MYH2: variants seen among roughly 807,000 people sequenced by gnomAD.
MYH2 encodes the protein myosin heavy chain 2.
MYH2 carries 139 observed loss-of-function variants against 228.1 expected under a neutral mutation model. The ratio of observed to expected loss-of-function variants is 0.61; its 90% CI spans 0.53 to 0.70. MYH2 has a LOEUF of 0.70. MYH2 is among the 30% of genes least tolerant of loss of function. MYH2 has a pLI of 0.00. For missense variants in MYH2, 1,809 were observed against 2,357.5 expected (o/e 0.77, Z 4.82); for synonymous variants, 796 against 871.1 (o/e 0.91, Z 1.52).
intron 10 of MYH2, among the ~76,000 whole-genome samples, chr17:10,541,462 C>T (rs1003377425): frequency 5.9e-5 from 9 of 152,124 alleles, no homozygotes; most frequent in Admixed American, 2.0e-4. Context: ...TTAATCAGAC[C>T]GGTTGTCTGC....
At chr17:10,531,040 A>C (rs2073418065) in intron 22 of MYH2, among the ~76,000 whole-genome samples, 1 of 152,224 alleles carries the variant, frequency 6.6e-6, no homozygotes, top group Non-Finnish European at 1.5e-5. Context: ...AGCAGGCTGG[A>C]TGGAAGAAGA....
Position 10,528,845 on chromosome 17 carries a change from T to G in MYH2, c.3589A>C (p.Thr1197Pro). The change falls in exon 27 of 40, where the codon ACC becomes CCC. Residue 1197 changes from threonine (T) to proline (P), a missense_variant. Thr to Pro is a conservative substitution (Grantham distance 38). Around this residue, in one of 9 missense-constraint regions of MYH2, gnomAD observed 636 missense variants for 729.9 expected, o/e 0.87. Coordinates refer to ENST00000245503, the MANE Select transcript of MYH2 (RefSeq NM_017534.6). Reference protein sequence around the residue: ...ATLQHEATAATLRKKHADSVA... With the variant: ...ATLQHEATAAPLRKKHADSVA... ...CTATCTGCATGCTTCTTCCTCAGGG[T>G]GGCCGCTGTGGCTTCATGCTGTAGG... 6.2e-7 allele frequency: 1 copy of G among 1,614,234 alleles called. No individual in the cohort carries two copies. The highest frequency in any genetic ancestry group is 1.1e-5 in the South Asian group (1 of 91,082).
chr17:10,546,256 GATATATATAT>G lies in MYH2; in HGVS notation c.349-764_349-755del, dbSNP rs71139049. Among the ~76,000 whole-genome samples, 314 of 66,116 alleles carry G rather than the reference GATATATATAT, an allele frequency of 4.7e-3. 16 individuals are homozygous for G. The highest frequency in any genetic ancestry group is 0.011 in the African/African-American group (152 of 13,872). 43.4% of individuals were successfully genotyped at this position (66,116 alleles called of 152,430 possible). On this transcript the variant is annotated intron_variant, in intron 4 of 39. Coordinates refer to ENST00000245503, the MANE Select transcript of MYH2 (RefSeq NM_017534.6). Reference sequence around the variant, plus strand: ...GTTATAAGGAAACAGGACACGAAATGATATATATATATATATATATATATATATATATACA... The same window carrying G: ...GTTATAAGGAAACAGGACACGAAATGATATATATATATATATATATATACA...
intron 11 of MYH2, 113 bp from the exon 12 acceptor site, chr17:10,540,179 G>T: frequency 6.9e-7 from 1 of 1,441,262 alleles, no homozygotes. Flanking sequence ...TGGGAGACAA[G>T]GAACCCCTTA....
chr17:10,529,487 T>C lies in MYH2; in HGVS notation c.3118-6A>G, dbSNP rs200305184. ...TGCTCCAAGGACCCTTCAAGCTAAATATAAATTATGTTGAATCAGAAGGAA... is the reference window on the plus strand; with the variant it reads ...TGCTCCAAGGACCCTTCAAGCTAAACATAAATTATGTTGAATCAGAAGGAA... On this transcript the variant is annotated splice_region_variant and splice_polypyrimidine_tract_variant and intron_variant, in intron 24 of 39. Coordinates refer to ENST00000245503, the MANE Select transcript of MYH2 (RefSeq NM_017534.6). 1.2e-6 allele frequency: 2 copies of C among 1,614,232 alleles called. No homozygotes were observed. Among genetic ancestry groups the C allele is most frequent in the East Asian group, 2.2e-5 (1 of 44,886 alleles).
intron 22 of MYH2, among the ~76,000 whole-genome samples, chr17:10,530,545 T>TG (rs34089643): frequency 1.3e-5 from 2 of 151,854 alleles, no homozygotes; most frequent in African/African-American, 4.8e-5. Flanking sequence ...TTTTTTTTTT[T>TG]GTAGTACTGG....
chr17:10,531,467 T>C (rs977253477), intron 22 of MYH2, among the ~76,000 whole-genome samples, 166 bp downstream of exon 22: 2 of 152,196 alleles, frequency 1.3e-5, no homozygotes, highest in Admixed American at 6.5e-5. Flanking sequence ...TTGGGGGTTA[T>C]TGGGCAATGG....
At chr17:10,547,060 C>T (rs1048254228) in intron 4 of MYH2, among the ~76,000 whole-genome samples, 3 of 152,264 alleles carry the variant, frequency 2.0e-5, no homozygotes, top group Admixed American at 1.3e-4. Flanking sequence ...CACTGCACTC[C>T]AGCCTGGGAC....
In MYH2 at chr17:10,523,770, C is replaced by A; in HGVS notation, c.5290G>T (p.Ala1764Ser). The A allele has an allele frequency of 6.2e-7, 1 of 1,614,144 alleles. No individual in the cohort carries two copies. Among genetic ancestry groups the A allele is most frequent in the Non-Finnish European group, 8.5e-7 (1 of 1,180,034 alleles). ...ARNAEEKAKK[A>S]ITDAAMMAEE... ...TGCCTGCCACTCACATCAGTGATGG[C>A]CTTCTTGGCCTTTTCTTCTGCATTG... Residue 1764 changes from alanine (A) to serine (S), a missense_variant, in exon 36 of 40, where the codon GCC becomes TCC. By Grantham distance (99) the Ala-to-Ser change is moderately conservative. This residue lies in a region of MYH2 where 278 missense variants were observed against 308.5 expected (regional missense o/e 0.90). Coordinates refer to ENST00000245503, the MANE Select transcript of MYH2 (RefSeq NM_017534.6).
chr17:10,526,532 A>G lies in MYH2; in HGVS notation c.4187+67T>C, dbSNP rs1309152909. The G allele has an allele frequency of 5.0e-6, 8 of 1,604,688 alleles. No homozygotes were observed. In the South Asian group the frequency reaches 6.6e-5, roughly 13 times the overall value. On this transcript the variant is annotated intron_variant, in intron 30 of 39. Coordinates refer to ENST00000245503, the MANE Select transcript of MYH2 (RefSeq NM_017534.6). ...TTGTGGACTAATTCACTGAATCTTCAAAGGTCATGTCTTTCTGATTCAATA... is the reference window on the plus strand; with the variant it reads ...TTGTGGACTAATTCACTGAATCTTCGAAGGTCATGTCTTTCTGATTCAATA...
chr17:10,537,399 C>G lies in MYH2; in HGVS notation c.1731G>C (p.Glu577Asp). ...CATAGTGAATCAGAGCGAAGTGGGC[C>G]TCGGCCTTGCCTTTGACCACCTTGG... ...QKPKVVKGKA[E>D]AHFALIHYAG... The change falls in exon 16 of 40, where the codon GAG (glutamate) becomes GAC (aspartate). Residue 577 changes from glutamate (E) to aspartate (D), a missense_variant. Coordinates refer to ENST00000245503, the MANE Select transcript of MYH2 (RefSeq NM_017534.6). The surrounding 1 kb of genome is among the most constrained non-coding windows in gnomAD (Gnocchi z 4.0). 6.2e-7 allele frequency: 1 copy of G among 1,614,174 alleles called. No homozygotes were observed. The highest frequency in any genetic ancestry group is 8.5e-7 in the Non-Finnish European group (1 of 1,180,036).
In MYH2 at chr17:10,528,638, A is replaced by ATT; in HGVS notation, c.3744+51_3744+52insAA. ...TAAAAAGTGCCCTGTGCAAACTATG[A>ATT]TGTGTCCATAATGCATTATTTTCAA... On this transcript the variant is annotated intron_variant, in intron 27 of 39. Coordinates refer to ENST00000245503, the MANE Select transcript of MYH2 (RefSeq NM_017534.6). 5 of 1,613,288 alleles carry ATT rather than the reference A, an allele frequency of 3.1e-6. No homozygotes were observed. In the Admixed American group the frequency reaches 8.3e-5, roughly 27 times the overall value.
intron 14 of MYH2, among the ~76,000 whole-genome samples, chr17:10,538,811 T>TA (rs1407723693): frequency 1.2e-4 from 19 of 152,282 alleles, no homozygotes; most frequent in Non-Finnish European, 2.4e-4. Context: ...AAGAAAAATA[T>TA]ATTTCGTAAT....
intron 21 of MYH2, among the ~76,000 whole-genome samples, chr17:10,532,911 C>T (rs549639292): frequency 6.6e-6 from 1 of 152,296 alleles, no homozygotes; most frequent in South Asian, 2.1e-4. Context: ...GTTGTCTCTA[C>T]AGCCTGTGTA....
In MYH2 at chr17:10,547,621, G is replaced by A. The variant is rs371123671; in HGVS notation, c.205-3C>T. ...TGATCATCCTTCACTGTCAGAGTCTGGTAAACAGGAAAGATAACCGTTTAC... is the reference window on the plus strand; with the variant it reads ...TGATCATCCTTCACTGTCAGAGTCTAGTAAACAGGAAAGATAACCGTTTAC... On this transcript the variant is annotated splice_region_variant and splice_polypyrimidine_tract_variant and intron_variant, in intron 3 of 39. Coordinates refer to ENST00000245503, the MANE Select transcript of MYH2 (RefSeq NM_017534.6). The A allele has an allele frequency of 1.9e-5, 30 of 1,614,106 alleles. No individual in the cohort carries two copies. In the African/African-American group the frequency reaches 2.8e-4, roughly 15 times the overall value.
At chr17:10,543,002 A>C in intron 9 of MYH2, 29 bp from the exon 10 acceptor site, 1 of 1,595,952 alleles carries the variant, frequency 6.3e-7, no homozygotes, top group Non-Finnish European at 8.6e-7. Context: ...CACATAAGAA[A>C]ATTGTAAAAA....
Position 10,547,580 on chromosome 17 carries a change from G to A in MYH2, c.243C>T (p.Asn81=). The A allele has an allele frequency of 1.9e-6, 3 of 1,614,150 alleles. No individual in the cohort carries two copies. The East Asian group carries it at 6.7e-5, about 36-fold the overall frequency. The change falls in exon 4 of 40, where the codon AAC becomes AAT. Residue 81 remains asparagine, a synonymous_variant. Transcript: ENST00000245503. The part of the protein sequence containing the change: ...TVKDDQVFPM[N]PPKYDKIEDM... ...CCTCGATCTTGTCATATTTGGGAGG[G>A]TTCATGGGGAAGACCTGATCATCCT...
rs777358650 is a variant in MYH2 at position 10,545,386 on chromosome 17, G to T, written c.465C>A (p.Ile155=). The part of the protein sequence containing the change: ...GKKRQEAPPH[I]FSISDNAYQF... ...GATAGGCGTTGTCAGAGATGGAGAA[G>T]ATGTGGGGCGGGGCCTCCTGGCGCT... Residue 155 remains isoleucine, a synonymous_variant, in exon 5 of 40, where the codon ATC becomes ATA. Coordinates refer to ENST00000245503, the MANE Select transcript of MYH2 (RefSeq NM_017534.6). 18 of 1,614,062 alleles carry T rather than the reference G, an allele frequency of 1.1e-5. No homozygotes were observed. The highest frequency in any genetic ancestry group is 3.3e-4 in the Middle Eastern group (2 of 5,992).
rs1420332392 is a variant in MYH2 at position 10,529,083 on chromosome 17, G to A, written c.3355-4C>T. 3.1e-6 allele frequency: 5 copies of A among 1,614,190 alleles called. No individual in the cohort carries two copies. The highest frequency in any genetic ancestry group is 1.6e-4 in the Middle Eastern group (1 of 6,062). On this transcript the variant is annotated splice_region_variant and splice_polypyrimidine_tract_variant and intron_variant, in intron 26 of 39. Transcript: ENST00000245503. ...CCTCCAGCTCCTCAATGCGGGCCTG[G>A]GAATGGTGGAAAATACAAACTCAGC...
Sources: allele counts gnomAD v4.1 joint callset (sites outside exome capture counted in the v4.1 genomes callset), GRCh38; gene constraint gnomAD v4.1.1; regional missense constraint gnomAD v4.1.1; non-coding constraint Gnocchi (gnomAD v3.1); transcripts MANE v1.5; gene names NCBI Gene and HGNC (gene_info 2026-07-23, HGNC 2026-07-21).